SETX: variants seen among roughly 807,000 people sequenced by gnomAD.
The protein encoded by SETX is helicase senataxin.
In SETX, 90 loss-of-function variants were observed where a neutral mutation model predicts 227.2. The ratio of observed to expected loss-of-function variants is 0.40; its 90% CI spans 0.33 to 0.47. The LOEUF (loss-of-function observed/expected upper bound fraction) is 0.47. Among genes scored for constraint, SETX ranks in the 20% least tolerant of loss-of-function variants. SETX has a pLI of 0.91. For missense variants in SETX, 3,052 were observed against 3,181.5 expected (o/e 0.96, Z 0.98); for synonymous variants, 1,210 against 1,113.2 (o/e 1.09, Z -1.73).
chr9:132,300,050 A>C lies in SETX; in HGVS notation c.5548+580T>G, dbSNP rs1042499150. Among the ~76,000 whole-genome samples the C allele has an allele frequency of 5.4e-5, 8 of 149,196 alleles. No homozygotes were observed. In the Admixed American group the frequency reaches 5.4e-4, roughly 10 times the overall value. ...GAAGCTGAGGCAGGAGAATCGCTTG[A>C]ACCCAAGAGGCGGAGAGTGCAGTGA... On this transcript the variant is annotated intron_variant, in intron 12 of 25. Coordinates refer to ENST00000224140, the MANE Select transcript of SETX (RefSeq NM_015046.7).
intron 11 of SETX, among the ~76,000 whole-genome samples, chr9:132,302,133 G>A (rs1845031540): frequency 6.6e-6 from 1 of 152,018 alleles, no homozygotes; most frequent in African/African-American, 2.4e-5. Context: ...CAAGGCAGGT[G>A]GATCATGAGG....
At chr9:132,321,054 T>C (rs1482451148) in intron 10 of SETX, among the ~76,000 whole-genome samples, 1 of 152,018 alleles carries the variant, frequency 6.6e-6, no homozygotes, top group African/African-American at 2.4e-5. Context: ...AGGATGAGGA[T>C]GAGATAGTAG....
chr9:132,305,452 A>G (rs1343465577), intron 11 of SETX, among the ~76,000 whole-genome samples: 1 of 152,046 alleles, frequency 6.6e-6, no homozygotes, highest in Non-Finnish European at 1.5e-5. Context: ...CTGGATATTT[A>G]CTCATTACAA....
intron 20 of SETX, among the ~76,000 whole-genome samples, chr9:132,280,483 C>A (rs1479265238): frequency 6.6e-6 from 1 of 152,204 alleles, no homozygotes; most frequent in East Asian, 1.9e-4. Flanking sequence ...TCCCTACACA[C>A]ACGGGTTTTC....
chr9:132,353,033 T>G (rs1033500876), intron 2 of SETX, among the ~76,000 whole-genome samples: 1 of 152,182 alleles, frequency 6.6e-6, no homozygotes, highest in African/African-American at 2.4e-5. Context: ...TGAAGAAGCC[T>G]AAATGATCTA....
chr9:132,273,929 T>C (rs1450729440), intron 23 of SETX, among the ~76,000 whole-genome samples: 1 of 152,078 alleles, frequency 6.6e-6, no homozygotes, highest in African/African-American at 2.4e-5. Flanking sequence ...TATGAGTTTT[T>C]TGTAAATGCC....
At chr9:132,331,839 CAGAAA>C (rs914732489) in intron 7 of SETX, among the ~76,000 whole-genome samples, 2 of 151,992 alleles carry the variant, frequency 1.3e-5, no homozygotes, top group African/African-American at 4.8e-5. Flanking sequence ...CAATAACTAA[CAGAAA>C]AGAAGAGGAA....
chr9:132,336,590 CAGGATTCTCTG>C (rs1847635648), intron 5 of SETX, 75 bp from the exon 6 acceptor site: 1 of 1,056,874 alleles, frequency 9.5e-7, no homozygotes. Context: ...GAAAAGAAAA[CAGGATTCTCTG>C]CATATTTTAA....
intron 4 of SETX, among the ~76,000 whole-genome samples, chr9:132,343,891 G>C (rs949849243): frequency 6.6e-6 from 1 of 152,124 alleles, no homozygotes; most frequent in African/African-American, 2.4e-5. Context: ...AAATAAATCA[G>C]AAAAATCCAT....
chr9:132,267,510 A>AGG (rs1053931685), intron 25 of SETX, among the ~76,000 whole-genome samples: 1 of 152,236 alleles, frequency 6.6e-6, no homozygotes, highest in African/African-American at 2.4e-5. Context: ...CATTCCCATA[A>AGG]GGGGAACTAG....
chr9:132,331,215 T>G, intron 8 of SETX, 62 bp downstream of exon 8: 3 of 1,608,756 alleles, frequency 1.9e-6, no homozygotes, highest in Non-Finnish European at 2.6e-6. Flanking sequence ...TGTTAAGTAA[T>G]CTAGCTGGAA....
intron 10 of SETX, among the ~76,000 whole-genome samples, chr9:132,326,090 CAG>C (rs924370991): frequency 5.3e-5 from 8 of 151,836 alleles, no homozygotes; most frequent in East Asian, 1.9e-4. Flanking sequence ...TCTTTTGAGA[CAG>C]AGTCTCACTC....
chr9:132,316,550 G>A (rs10793919), intron 10 of SETX, among the ~76,000 whole-genome samples: 10,557 of 152,060 alleles, frequency 0.069, 549 homozygotes, highest in East Asian at 0.25. Context: ...TATTTTCTTC[G>A]TTTAGTTTTA....
intron 7 of SETX, among the ~76,000 whole-genome samples, chr9:132,333,416 T>TATATATACAC (rs779955041): frequency 1.1e-5 from 1 of 88,088 alleles, no homozygotes; most frequent in African/African-American, 5.2e-5. Flanking sequence ...AAAATATATA[T>TATATATACAC]ACACACACAC....
rs368323660 is a variant in SETX, at chr9:132,327,578, C to A, written c.4020G>T (p.Lys1340Asn). 256 of 1,613,986 alleles carry A rather than the reference C, an allele frequency of 1.6e-4. No homozygotes were observed. Among genetic ancestry groups the A allele is most frequent in the Non-Finnish European group, 1.9e-4 (228 of 1,180,014 alleles). Reference sequence around the variant, plus strand: ...GAAGTTCTTGACTAGTCAGAAGTTTCTTATTATTTCTGACAGACAGGTTCT... The same window carrying A: ...GAAGTTCTTGACTAGTCAGAAGTTTATTATTATTTCTGACAGACAGGTTCT... ...SPQNLSVRNN[K>N]KLLTSQELQM... The change falls in exon 10 of 26, where the codon AAG (lysine) becomes AAT (asparagine). Residue 1340 changes from lysine to asparagine, a missense_variant. Transcript: ENST00000224140.
chr9:132,298,087 T>TA lies in SETX; in HGVS notation c.5773_5774insT (p.Glu1925ValfsTer12). 1 of 1,609,738 alleles carries TA rather than the reference T, an allele frequency of 6.2e-7. No individual in the cohort carries two copies. The highest frequency in any genetic ancestry group is 1.7e-5 in the Admixed American group (1 of 60,008). The stretch of plus-strand genomic sequence containing the variant: ...TCATACATCATCACTCACAATTCTC[T>TA]CAGATGTTGTAGTCAGTAAATCTTT... On this transcript the variant is annotated frameshift_variant, in exon 13 of 26. Transcript: ENST00000224140. LOFTEE classifies it high-confidence loss of function.
rs756469477 is a variant in SETX at position 132,326,543 on chromosome 9, G to A, written c.5055C>T (p.Ser1685=). 1.9e-6 allele frequency: 3 copies of A among 1,614,160 alleles called. No homozygotes were observed. Among genetic ancestry groups the A allele is most frequent in the Non-Finnish European group, 2.5e-6 (3 of 1,180,032 alleles). Residue 1685 remains serine (S), a synonymous_variant, in exon 10 of 26, where the codon TCC becomes TCT. Transcript: ENST00000224140. ...ATGACAAAAGAATGTTTACTGGAGA[G>A]GAAGATGGAAAATATTTGCTTTCAC... is the stretch of plus-strand genomic sequence containing the variant. The part of the protein sequence containing the change: ...PFGESKYFPS[S]SPVNILLSSQ...
intron 3 of SETX, among the ~76,000 whole-genome samples, chr9:132,348,632 T>G (rs1321229586): frequency 1.3e-5 from 2 of 152,112 alleles, no homozygotes; most frequent in Non-Finnish European, 2.9e-5. Context: ...TGACTTATAT[T>G]AGCCTTCAAA....
intron 10 of SETX, among the ~76,000 whole-genome samples, chr9:132,321,470 C>G (rs968645724): frequency 1.3e-5 from 2 of 152,090 alleles, no homozygotes; most frequent in African/African-American, 2.4e-5. Context: ...TCCTGGCCAA[C>G]ATGGTGAAAC....
Sources: gnomAD v4.1 joint callset for allele counts (sites outside exome capture counted in the v4.1 genomes callset) on GRCh38, gnomAD v4.1.1 for gene constraint, MANE v1.5 for transcripts, NCBI Gene and HGNC (gene_info 2026-07-23, HGNC 2026-07-21) for gene names.